The following PTPRG variants were observed in gnomAD, a reference collection of about 807,000 sequenced individuals.
PTPRG encodes receptor-type tyrosine-protein phosphatase gamma.
PTPRG carries 102 observed loss-of-function variants against 165.3 expected under a neutral mutation model. The observed-to-expected ratio is 0.62, with a 90% CI of 0.53 to 0.73. The LOEUF is 0.73. Ranked by LOEUF, PTPRG falls within the 30% of genes least tolerant of loss-of-function variation. The pLI, the probability that PTPRG is intolerant of heterozygous loss-of-function variation, is 0.00. For missense variants in PTPRG, 1,866 were observed against 1,861.4 expected (o/e 1.00, Z -0.05); for synonymous variants, 675 against 669.5 (o/e 1.01, Z -0.13).
At chr3:61,681,052 T>TC (rs1318177873) in intron 1 of PTPRG, among the ~76,000 whole-genome samples, 4 of 48,134 alleles carry the variant, frequency 8.3e-5, no homozygotes, top group African/African-American at 3.1e-4. Context: ...ATCTTTATGT[T>TC]CTAAAAAAAA....
intron 1 of PTPRG, among the ~76,000 whole-genome samples, chr3:61,667,008 A>G (rs1702828809): frequency 6.6e-6 from 1 of 152,174 alleles, no homozygotes; most frequent in African/African-American, 2.4e-5. Context: ...TACCCCCCCA[A>G]TTCATTTGAA....
At chr3:61,836,176 A>C (rs2036456071) in intron 2 of PTPRG, among the ~76,000 whole-genome samples, 1 of 151,864 alleles carries the variant, frequency 6.6e-6, no homozygotes, top group African/African-American at 2.4e-5. Context: ...ATGTGTAGGA[A>C]TCACTGGTAA....
At chr3:62,176,782 A>G (rs893642787) in intron 8 of PTPRG, among the ~76,000 whole-genome samples, 3 of 151,942 alleles carry the variant, frequency 2.0e-5, no homozygotes, top group Non-Finnish European at 4.4e-5. Context: ...CTAACACAGT[A>G]CCTGGTACAT....
rs1559523168 is a variant in PTPRG at position 61,610,775 on chromosome 3, CTCCCTCCCTCTCTCT to C, written c.85+48404_85+48418del. On this transcript the variant is annotated intron_variant, in intron 1 of 29. Transcript: ENST00000474889. ...CCTCCCTCCCTCCCTCCCTCCCTACCTCCCTCCCTCTCTCTCTCCATCTCTCTTTCTCTATCTCTC... is the reference window on the plus strand; with the variant it reads ...CCTCCCTCCCTCCCTCCCTCCCTACCCTCCATCTCTCTTTCTCTATCTCTC... 6.8e-3 allele frequency among the ~76,000 whole-genome samples: 987 copies of C among 145,866 alleles called. 13 individuals carry two copies. The highest frequency in any genetic ancestry group is 0.024 in the African/African-American group (933 of 38,762).
chr3:62,112,598 T>A (rs1321156133), intron 5 of PTPRG, among the ~76,000 whole-genome samples: 1 of 152,212 alleles, frequency 6.6e-6, no homozygotes, highest in South Asian at 2.1e-4. Flanking sequence ...TAACTGTTAC[T>A]ATTATTTGAG....
At chr3:61,766,987 T>G (rs2034040135) in intron 2 of PTPRG, among the ~76,000 whole-genome samples, 1 of 150,602 alleles carries the variant, frequency 6.6e-6, no homozygotes, top group Non-Finnish European at 1.5e-5. Context: ...CTCAGGCCTG[T>G]AATACCAGCA....
intron 8 of PTPRG, among the ~76,000 whole-genome samples, chr3:62,169,670 C>T (rs1360072034): frequency 6.6e-6 from 1 of 152,078 alleles, no homozygotes; most frequent in East Asian, 1.9e-4. Context: ...AAGGAATTTT[C>T]TTTTGGTGCG....
At chr3:61,817,392 A>G (rs915953616) in intron 2 of PTPRG, among the ~76,000 whole-genome samples, 2 of 150,956 alleles carry the variant, frequency 1.3e-5, no homozygotes, top group East Asian at 1.9e-4. Context: ...TCATATTTCT[A>G]AGAAAAATAA....
At chr3:61,742,468 T>G in intron 1 of PTPRG, 1 of 1,579,740 alleles carries the variant, frequency 6.3e-7, no homozygotes. Context: ...ATATAGGCGC[T>G]GGGGCTTGCC....
At chr3:62,093,482 G>T (rs1301395651) in intron 5 of PTPRG, among the ~76,000 whole-genome samples, 1 of 152,228 alleles carries the variant, frequency 6.6e-6, no homozygotes, top group African/African-American at 2.4e-5. Flanking sequence ...AATCTCACAG[G>T]TGGAGGGGAG....
At chr3:61,803,853 C>A (rs114306727) in intron 2 of PTPRG, among the ~76,000 whole-genome samples, 83 of 152,218 alleles carry the variant, frequency 5.5e-4, no homozygotes, top group African/African-American at 2.0e-3. Context: ...AAAGTTGCAA[C>A]GCTAGGGTCT....
At chr3:61,737,715 C>T (rs2032771928) in intron 1 of PTPRG, among the ~76,000 whole-genome samples, 1 of 151,716 alleles carries the variant, frequency 6.6e-6, no homozygotes, top group South Asian at 2.1e-4. Context: ...TTGGAGTGTC[C>T]CCTGTATTTG....
At position 62,009,061 on chromosome 3, in the gene PTPRG, C is replaced by T. The variant is rs1051794594; in HGVS notation, c.519+5564C>T. ...GCTAAGTGGAAATATCAGTACTCTACATAGCTTCACATTTCTTCATATCTG... is the reference window on the plus strand; with the variant it reads ...GCTAAGTGGAAATATCAGTACTCTATATAGCTTCACATTTCTTCATATCTG... On this transcript the variant is annotated intron_variant, in intron 4 of 29. Transcript: ENST00000474889. Among the ~76,000 whole-genome samples, 9 of 152,320 alleles carry T rather than the reference C, an allele frequency of 5.9e-5. No individual in the cohort carries two copies. The South Asian group carries it at 1.2e-3, about 21-fold the overall frequency.
chr3:61,973,724 CG>C (rs2040435883), intron 2 of PTPRG, among the ~76,000 whole-genome samples: 1 of 151,766 alleles, frequency 6.6e-6, no homozygotes, highest in Non-Finnish European at 1.5e-5. Flanking sequence ...CCCAGCTACT[CG>C]GGAGGTTGAG....
At chr3:62,261,474 C>T (rs1701695147) in intron 16 of PTPRG, among the ~76,000 whole-genome samples, 1 of 152,050 alleles carries the variant, frequency 6.6e-6, no homozygotes, top group African/African-American at 2.4e-5. Flanking sequence ...GTTTTCCAAA[C>T]CATAGGTTAT....
intron 1 of PTPRG, among the ~76,000 whole-genome samples, chr3:61,677,039 GTT>G (rs758919264): frequency 6.6e-6 from 1 of 152,118 alleles, no homozygotes; most frequent in Non-Finnish European, 1.5e-5. Context: ...AAGGTTAGGA[GTT>G]TGAGACCAAC....
chr3:61,621,220 C>A lies in PTPRG; in HGVS notation c.85+58848C>A, dbSNP rs573464916. 1.1e-4 allele frequency among the ~76,000 whole-genome samples: 17 copies of A among 152,152 alleles called. 1 individual carries two copies. The East Asian group carries it at 2.9e-3, about 26-fold the overall frequency. On this transcript the variant is annotated intron_variant, in intron 1 of 29. Transcript: ENST00000474889. ...CACATCCCCTTTGAATTGTCTTATGCACCCCTGGATACTCAGTGCTGGAAA... is the reference window on the plus strand; with the variant it reads ...CACATCCCCTTTGAATTGTCTTATGAACCCCTGGATACTCAGTGCTGGAAA...
chr3:61,907,019 T>A (rs535877642), intron 2 of PTPRG, among the ~76,000 whole-genome samples: 12 of 152,296 alleles, frequency 7.9e-5, no homozygotes, highest in African/African-American at 2.9e-4. Flanking sequence ...CACTTTTGAG[T>A]TGGACAACTT....
rs1391863290 is a variant in PTPRG at position 61,989,675 on chromosome 3, C to T, written c.241C>T (p.Arg81Cys). ...CACGTCTAGTGTCAGCTGTGGGGGC[C>T]GTCACCAGTCTCCTATTGACATTTT... Reference protein sequence around the residue: ...WVTSSVSCGGRHQSPIDILDQ... With the variant: ...WVTSSVSCGGCHQSPIDILDQ... Residue 81 changes from arginine to cysteine, a missense_variant, in exon 3 of 30, where the codon CGT becomes TGT. By Grantham distance (180) the Arg-to-Cys change is radical. Coordinates refer to ENST00000474889, the MANE Select transcript of PTPRG (RefSeq NM_002841.4). The T allele has an allele frequency of 3.1e-6, 5 of 1,614,058 alleles. No individual in the cohort carries two copies. The highest frequency in any genetic ancestry group is 4.5e-5 in the East Asian group (2 of 44,872).
Sources: gnomAD v4.1 joint callset for allele counts (sites outside exome capture counted in the v4.1 genomes callset) on GRCh38, gnomAD v4.1.1 for gene constraint, MANE v1.5 for transcripts, NCBI Gene and HGNC (gene_info 2026-07-23, HGNC 2026-07-21) for gene names.